Variants in ST6GALNAC5 observed in about 807,000 individuals in gnomAD.
ST6GALNAC5 encodes alpha-N-acetylgalactosaminide alpha-2,6-sialyltransferase 5.
ST6GALNAC5 carries 27 observed loss-of-function variants against 33.6 expected under a neutral mutation model. The observed-to-expected ratio is 0.80, with a 90% confidence interval of 0.59 to 1.11. The LOEUF (loss-of-function observed/expected upper bound fraction) is 1.11. ST6GALNAC5 is among the 50% of genes least tolerant of loss of function. The probability of loss-of-function intolerance (pLI) is 0.00; values close to 1 mark genes in which losing one functional copy is unlikely to be tolerated. For synonymous variants in ST6GALNAC5, 194 were observed against 171.2 expected, an observed-to-expected ratio of 1.13 and a Z score of -1.04; for missense variants, 428 against 454.0, an observed-to-expected ratio of 0.94 and a Z score of 0.52.
At chr1:77,020,098 C>T (rs1650995419) in intron 2 of ST6GALNAC5, among the ~76,000 whole-genome samples, 1 of 152,174 alleles carries the variant, frequency 6.6e-6, no homozygotes. Context: ...ACTAATTGTG[C>T]TAATAACACT....
chr1:77,015,837 C>G (rs1342358620), intron 2 of ST6GALNAC5, among the ~76,000 whole-genome samples: 1 of 151,890 alleles, frequency 6.6e-6, no homozygotes, highest in Non-Finnish European at 1.5e-5. Context: ...GCTTCACAGG[C>G]AAAAGGTTAG....
At chr1:77,009,569 A>G (rs1440814719) in intron 2 of ST6GALNAC5, among the ~76,000 whole-genome samples, 1 of 152,138 alleles carries the variant, frequency 6.6e-6, no homozygotes, top group African/African-American at 2.4e-5. Flanking sequence ...GCTGAGTTAC[A>G]TGAGCGACAT....
chr1:76,936,953 G>GGCGTATGTGTGTGTGTGT (rs138095164), intron 2 of ST6GALNAC5, among the ~76,000 whole-genome samples: 1 of 139,946 alleles, frequency 7.1e-6, no homozygotes, highest in African/African-American at 2.7e-5. Flanking sequence ...AGAGAAGCAG[G>GGCGTATGTGTGTGTGTGT]GTGTGTGTGT....
chr1:76,989,320 G>A (rs955418785), intron 2 of ST6GALNAC5, among the ~76,000 whole-genome samples: 5 of 150,590 alleles, frequency 3.3e-5, no homozygotes, highest in African/African-American at 4.9e-5. Flanking sequence ...CCTTAGTTGT[G>A]CAAGCTCATA....
intron 2 of ST6GALNAC5, among the ~76,000 whole-genome samples, chr1:76,870,593 G>A (rs1480023352): frequency 6.6e-6 from 1 of 152,166 alleles, no homozygotes; most frequent in Non-Finnish European, 1.5e-5. Flanking sequence ...GTTTATCAGA[G>A]CTTTATTTTA....
chr1:76,911,656 C>A (rs1481167600), intron 2 of ST6GALNAC5, among the ~76,000 whole-genome samples: 1 of 152,164 alleles, frequency 6.6e-6, no homozygotes, highest in East Asian at 1.9e-4. Context: ...TCAACTTCTT[C>A]CTGGTTTAGT....
At chr1:76,967,954 TTG>T (rs1310224442) in intron 2 of ST6GALNAC5, among the ~76,000 whole-genome samples, 2 of 152,192 alleles carry the variant, frequency 1.3e-5, no homozygotes, top group Non-Finnish European at 2.9e-5. Flanking sequence ...AGACAGTTTG[TTG>T]TGATTTCTGT....
chr1:76,882,494 C>A (rs1653803854), intron 2 of ST6GALNAC5, among the ~76,000 whole-genome samples: 1 of 152,082 alleles, frequency 6.6e-6, no homozygotes. Flanking sequence ...AATAAGAAAG[C>A]ATTTTACCTA....
chr1:76,990,208 C>T (rs1649671195), intron 2 of ST6GALNAC5, among the ~76,000 whole-genome samples: 1 of 152,270 alleles, frequency 6.6e-6, no homozygotes, highest in East Asian at 1.9e-4. Context: ...CATCCCCAAT[C>T]TCCACCAAAA....
chr1:76,894,578 T>C (rs959056470), intron 2 of ST6GALNAC5, among the ~76,000 whole-genome samples: 9 of 152,172 alleles, frequency 5.9e-5, no homozygotes, highest in East Asian at 3.9e-4. Flanking sequence ...AACTCAGCAA[T>C]TGAGGTCACA....
intron 2 of ST6GALNAC5, among the ~76,000 whole-genome samples, chr1:76,869,459 A>G (rs1372461363): frequency 2.6e-5 from 4 of 152,138 alleles, no homozygotes; most frequent in African/African-American, 9.7e-5. Flanking sequence ...CTCTGGGAGA[A>G]TCCTAATCAA....
chr1:77,048,332 G>C (rs1405037509), intron 3 of ST6GALNAC5, among the ~76,000 whole-genome samples: 2 of 152,170 alleles, frequency 1.3e-5, no homozygotes, highest in African/African-American at 4.8e-5. Flanking sequence ...AGCTGTAAGT[G>C]AGCTGTCATC....
chr1:76,983,941 TAA>T (rs1228278006), intron 2 of ST6GALNAC5, among the ~76,000 whole-genome samples: 2 of 152,172 alleles, frequency 1.3e-5, no homozygotes, highest in Admixed American at 1.3e-4. Context: ...AAGGCAGAAA[TAA>T]AGATGTTCTT....
At chr1:76,919,836 A>C (rs1024848628) in intron 2 of ST6GALNAC5, among the ~76,000 whole-genome samples, 1 of 152,194 alleles carries the variant, frequency 6.6e-6, no homozygotes, top group Non-Finnish European at 1.5e-5. Flanking sequence ...AGTTGACGCT[A>C]AAGTGATGAT....
At chr1:77,031,614 T>C (rs1403898937) in intron 2 of ST6GALNAC5, among the ~76,000 whole-genome samples, 1 of 152,244 alleles carries the variant, frequency 6.6e-6, no homozygotes, top group Non-Finnish European at 1.5e-5. Context: ...AATGAGTATT[T>C]GCTCCAAATT....
chr1:76,902,459 G>A (rs1304630303), intron 2 of ST6GALNAC5, among the ~76,000 whole-genome samples: 2 of 152,088 alleles, frequency 1.3e-5, no homozygotes, highest in African/African-American at 4.8e-5. Context: ...TAGATCTAAA[G>A]ATTCAGTACA....
chr1:77,008,947 C>A (rs1650528083), intron 2 of ST6GALNAC5, among the ~76,000 whole-genome samples: 1 of 152,208 alleles, frequency 6.6e-6, no homozygotes, highest in African/African-American at 2.4e-5. Context: ...ACTCTTTGAA[C>A]CACCCTAGCA....
intron 2 of ST6GALNAC5, among the ~76,000 whole-genome samples, chr1:76,925,086 A>T (rs1224745483): frequency 6.6e-6 from 1 of 151,996 alleles, no homozygotes; most frequent in Non-Finnish European, 1.5e-5. Context: ...ACACGGCAAG[A>T]GCAGAAGCAA....
intron 4 of ST6GALNAC5, among the ~76,000 whole-genome samples, chr1:77,062,396 T>G (rs1253841455): frequency 6.6e-6 from 1 of 152,134 alleles, no homozygotes; most frequent in African/African-American, 2.4e-5. Context: ...GAGAGGGTAT[T>G]CCAGGCAAGT....
Sources: gnomAD v4.1 joint callset for allele counts (sites outside exome capture counted in the v4.1 genomes callset) on GRCh38, gnomAD v4.1.1 for gene constraint, MANE v1.5 for transcripts, NCBI Gene and HGNC (gene_info 2026-07-23, HGNC 2026-07-21) for gene names.